DLGAP2: variants seen among roughly 807,000 people sequenced by gnomAD.
The protein encoded by DLGAP2 is disks large-associated protein 2.
A neutral mutation model predicts 100.3 loss-of-function variants in DLGAP2; 26 were observed. The observed-to-expected ratio is 0.26, with a 90% CI of 0.19 to 0.36. The LOEUF (loss-of-function observed/expected upper bound fraction) is 0.36, where lower values mean the gene tolerates loss of function less well. DLGAP2 is among the 10% of genes least tolerant of loss of function. DLGAP2 has a pLI of 1.00. For missense variants in DLGAP2, 1,858 were observed against 1,453.2 expected (o/e 1.28, Z -4.53); for synonymous variants, 886 against 630.1 (o/e 1.41, Z -6.08).
chr8:1,365,490 C>T (rs1032907982), intron 3 of DLGAP2, among the ~76,000 whole-genome samples: 4 of 152,156 alleles, frequency 2.6e-5, no homozygotes, highest in African/African-American at 9.7e-5. Flanking sequence ...ACTGCAGTTA[C>T]TGAGCAGGTG....
chr8:1,485,722 G>A (rs1231461080), intron 3 of DLGAP2, among the ~76,000 whole-genome samples: 1 of 152,206 alleles, frequency 6.6e-6, no homozygotes, highest in Non-Finnish European at 1.5e-5. Flanking sequence ...GCCCAGGGAG[G>A]TCATAGAAGG....
rs1247085050 is a variant in DLGAP2 at position 1,705,980 on chromosome 8, G to A, written c.*4574G>A. 2.0e-5 allele frequency: 3 copies of A among 152,290 alleles called. 1 individual carries two copies. The South Asian group carries it at 6.2e-4, about 32-fold the overall frequency. 9.4% of individuals were successfully genotyped at this position (152,290 alleles called of 1,614,324 possible). On this transcript the variant is annotated 3_prime_UTR_variant, in exon 15 of 15. Coordinates refer to ENST00000637795, the MANE Select transcript of DLGAP2 (RefSeq NM_001346810.2). The stretch of plus-strand genomic sequence containing the variant: ...CAGTGTGCTTCATTCAGGGCCATGT[G>A]GCAGCCATGACACACACCACATAAG...
chr8:1,683,762 G>A (rs921709021), intron 12 of DLGAP2, among the ~76,000 whole-genome samples: 1 of 142,052 alleles, frequency 7.0e-6, no homozygotes, highest in Admixed American at 7.0e-5. Flanking sequence ...ATGGAGGCTG[G>A]GAGTAGCTTC....
intron 3 of DLGAP2, among the ~76,000 whole-genome samples, chr8:1,422,443 G>A (rs2129940199): frequency 6.6e-6 from 1 of 152,216 alleles, no homozygotes; most frequent in East Asian, 1.9e-4. Context: ...GACTGAGCGA[G>A]GATCACTAAG....
chr8:1,368,215 T>G (rs937119303), intron 3 of DLGAP2, among the ~76,000 whole-genome samples: 5 of 152,016 alleles, frequency 3.3e-5, no homozygotes, highest in Non-Finnish European at 7.4e-5. Context: ...TGTCCATATA[T>G]CTGTGTGCAG....
chr8:1,244,112 GGTGA>G (rs1288998624), intron 2 of DLGAP2, among the ~76,000 whole-genome samples: 6 of 152,206 alleles, frequency 3.9e-5, no homozygotes, highest in Non-Finnish European at 1.5e-5. Flanking sequence ...CCGTAGGGAT[GGTGA>G]GTGTCGGATG....
At chr8:1,127,183 C>G (rs1440623818) in intron 2 of DLGAP2, among the ~76,000 whole-genome samples, 2 of 151,116 alleles carry the variant, frequency 1.3e-5, no homozygotes, top group Non-Finnish European at 2.9e-5. Flanking sequence ...TTAAACGGTC[C>G]TTCTGCTTGT....
intron 2 of DLGAP2, among the ~76,000 whole-genome samples, chr8:1,092,880 C>A (rs926568214): frequency 1.3e-5 from 2 of 152,192 alleles, no homozygotes; most frequent in Admixed American, 6.5e-5. Context: ...CAGCCCAGAT[C>A]AGCCACTTAC....
intron 3 of DLGAP2, among the ~76,000 whole-genome samples, chr8:1,407,946 A>C (rs923543508): frequency 1.3e-5 from 2 of 152,170 alleles, no homozygotes; most frequent in African/African-American, 4.8e-5. Context: ...GGCTTCCAGC[A>C]TTTCCTTGTT....
chr8:1,364,921 A>C (rs1802075020), intron 3 of DLGAP2, among the ~76,000 whole-genome samples: 1 of 152,166 alleles, frequency 6.6e-6, no homozygotes. Context: ...AACTTGGAAC[A>C]GCAGCGAAGC....
chr8:1,455,840 G>C (rs369414990), intron 3 of DLGAP2, among the ~76,000 whole-genome samples: 3 of 152,180 alleles, frequency 2.0e-5, no homozygotes, highest in Admixed American at 1.3e-4. Flanking sequence ...GTTCCAGGCA[G>C]ACCACAGACT....
intron 3 of DLGAP2, among the ~76,000 whole-genome samples, chr8:1,412,746 A>G (rs1796767493): frequency 1.3e-5 from 2 of 152,342 alleles, no homozygotes; most frequent in South Asian, 2.1e-4. Context: ...CTCTACAGGC[A>G]AAAGGCAATT....
intron 4 of DLGAP2, among the ~76,000 whole-genome samples, chr8:1,533,389 C>T (rs998463958): frequency 2.0e-5 from 3 of 151,660 alleles, no homozygotes; most frequent in South Asian, 2.1e-4. Context: ...ACCTGTAGTC[C>T]GAGCTACTCG....
intron 2 of DLGAP2, among the ~76,000 whole-genome samples, chr8:1,214,575 C>T (rs186397344): frequency 7.2e-5 from 11 of 152,316 alleles, no homozygotes; most frequent in African/African-American, 2.4e-4. Context: ...CACACGGCCT[C>T]CTCCTCATTT....
intron 2 of DLGAP2, among the ~76,000 whole-genome samples, chr8:1,163,958 C>T (rs1796942821): frequency 6.6e-6 from 1 of 152,214 alleles, no homozygotes; most frequent in Non-Finnish European, 1.5e-5. Flanking sequence ...GAGCCGCCTG[C>T]CAGGCCTCCT....
chr8:1,352,624 C>G (rs1276819195), intron 3 of DLGAP2, among the ~76,000 whole-genome samples: 1 of 152,160 alleles, frequency 6.6e-6, no homozygotes, highest in Non-Finnish European at 1.5e-5. Context: ...GCCCATTTCT[C>G]TGAATAAGCT....
At chr8:1,683,037 A>G (rs1346077742) in intron 12 of DLGAP2, among the ~76,000 whole-genome samples, 1 of 151,424 alleles carries the variant, frequency 6.6e-6, no homozygotes, top group Non-Finnish European at 1.5e-5. Flanking sequence ...GAAGCAAGCC[A>G]CTCTCCGATA....
At chr8:1,167,829 A>G (rs1281721559) in intron 2 of DLGAP2, among the ~76,000 whole-genome samples, 1 of 146,160 alleles carries the variant, frequency 6.8e-6, no homozygotes, top group African/African-American at 2.5e-5. Flanking sequence ...GTCCTAAACC[A>G]ACGTTCAGTA....
At chr8:1,342,952 G>GT (rs142614438) in intron 3 of DLGAP2, among the ~76,000 whole-genome samples, 16,286 of 152,194 alleles carry the variant, frequency 0.11, 1,033 homozygotes, top group African/African-American at 0.17. Context: ...TTCCGTAATT[G>GT]TAGCCTCTGG....
Sources: allele counts gnomAD v4.1 joint callset (sites outside exome capture counted in the v4.1 genomes callset), GRCh38; gene constraint gnomAD v4.1.1; transcripts MANE v1.5; gene names NCBI Gene and HGNC (gene_info 2026-07-23, HGNC 2026-07-21).